SORCS2: variants seen among roughly 807,000 people sequenced by gnomAD.
The protein encoded by SORCS2 is sortilin related VPS10 domain containing receptor 2.
In SORCS2, 100 loss-of-function variants were observed where a neutral mutation model predicts 141.6. The observed-to-expected ratio is 0.71, with a 90% confidence interval of 0.60 to 0.83. The LOEUF (loss-of-function observed/expected upper bound fraction) is 0.83, where lower values mean the gene tolerates loss of function less well. SORCS2 is among the 40% of genes least tolerant of loss of function. The pLI, the probability that SORCS2 is intolerant of heterozygous loss-of-function variation, is 0.00. For synonymous variants in SORCS2, 789 were observed against 676.9 expected, an observed-to-expected ratio of 1.17 and a Z score of -2.57; for missense variants, 1,646 against 1,560.2, an observed-to-expected ratio of 1.05 and a Z score of -0.93.
intron 1 of SORCS2, among the ~76,000 whole-genome samples, chr4:7,290,796 T>TTTCATTCATTCATTCATTCA (rs3031021): frequency 8.0e-4 from 121 of 151,364 alleles, no homozygotes; most frequent in African/African-American, 2.7e-3. Context: ...GGCTGCATTC[T>TTTCATTCATTCATTCATTCA]TTCATTCATT....
intron 2 of SORCS2, among the ~76,000 whole-genome samples, chr4:7,522,628 C>G (rs1040902967): frequency 1.3e-5 from 2 of 151,838 alleles, no homozygotes; most frequent in African/African-American, 2.4e-5. Context: ...CCCCTTTTCC[C>G]TCCCTCCTCC....
intron 1 of SORCS2, among the ~76,000 whole-genome samples, chr4:7,352,729 G>A (rs1449553650): frequency 6.6e-6 from 1 of 152,220 alleles, no homozygotes; most frequent in Non-Finnish European, 1.5e-5. Context: ...AGCTGGAACG[G>A]CAGGAAGGTG....
chr4:7,617,740 G>A (rs1367795065), intron 3 of SORCS2, among the ~76,000 whole-genome samples: 1 of 152,184 alleles, frequency 6.6e-6, no homozygotes, highest in African/African-American at 2.4e-5. Flanking sequence ...AAATCCTGAA[G>A]CTCAGAATCT....
chr4:7,728,262 G>C, intron 21 of SORCS2, 88 bp from the exon 22 acceptor site: 1 of 876,498 alleles, frequency 1.1e-6, no homozygotes, highest in South Asian at 1.6e-5. Context: ...ACCATCCAGG[G>C]CATGTGGCTG....
At chr4:7,308,999 T>C (rs542048841) in intron 1 of SORCS2, among the ~76,000 whole-genome samples, 49 of 152,272 alleles carry the variant, frequency 3.2e-4, no homozygotes, top group African/African-American at 1.2e-3. Flanking sequence ...TTTTGGAGCT[T>C]TTCAGAGCCC....
intron 3 of SORCS2, among the ~76,000 whole-genome samples, chr4:7,542,031 G>T (rs370904148): frequency 1.3e-5 from 2 of 152,208 alleles, no homozygotes; most frequent in African/African-American, 2.4e-5. Flanking sequence ...TGTAACAGGG[G>T]TGAGGGCAAG....
chr4:7,433,064 T>C (rs1208059155), intron 2 of SORCS2: 3 of 342,390 alleles, frequency 8.8e-6, no homozygotes, highest in Non-Finnish European at 1.6e-5. Context: ...AGGGCAGCCT[T>C]GGCTGGGTCA....
chr4:7,569,753 T>A (rs980722663), intron 3 of SORCS2, among the ~76,000 whole-genome samples: 4 of 152,146 alleles, frequency 2.6e-5, no homozygotes, highest in African/African-American at 9.7e-5. Context: ...TAATACAACA[T>A]GTACATGTAT....
chr4:7,304,717 A>G (rs984350149), intron 1 of SORCS2, among the ~76,000 whole-genome samples: 5 of 152,228 alleles, frequency 3.3e-5, no homozygotes, highest in Non-Finnish European at 7.3e-5. Flanking sequence ...TCAGCTGGAC[A>G]AGAGCTTGGA....
Position 7,741,211 on chromosome 4 carries a change from G to A in SORCS2, c.*947G>A, listed in dbSNP as rs1234313050. 7 of 398,674 alleles carry A rather than the reference G, an allele frequency of 1.8e-5. No individual in the cohort carries two copies. The highest frequency in any genetic ancestry group is 6.2e-5 in the African/African-American group (3 of 48,610). The allele number at this position is 398,674 out of a possible 1,614,324, so 24.7% of individuals were successfully genotyped here. ...CAGTTCCTTATAGGCGAAGGGAACCGGGTGGAAACCAAGCTGGGAGAGGCT... is the reference window on the plus strand; with the variant it reads ...CAGTTCCTTATAGGCGAAGGGAACCAGGTGGAAACCAAGCTGGGAGAGGCT... On this transcript the variant is annotated 3_prime_UTR_variant, in exon 27 of 27. Coordinates refer to ENST00000507866, the MANE Select transcript of SORCS2 (RefSeq NM_020777.3).
intron 2 of SORCS2, among the ~76,000 whole-genome samples, chr4:7,504,916 C>G (rs920425343): frequency 6.6e-6 from 1 of 152,186 alleles, no homozygotes; most frequent in African/African-American, 2.4e-5. Context: ...TGGCCGTAGG[C>G]GCTGATGCCC....
At chr4:7,373,476 ATATTTTTTT>A (rs1198975288) in intron 1 of SORCS2, among the ~76,000 whole-genome samples, 9 of 44,584 alleles carry the variant, frequency 2.0e-4, no homozygotes, top group African/African-American at 4.4e-4. Flanking sequence ...ATATATATAT[ATATTTTTTT>A]TTTTTTTTTT....
chr4:7,734,088 G>A (rs1423599940), intron 24 of SORCS2, among the ~76,000 whole-genome samples, 184 bp from the exon 25 acceptor site: 1 of 151,798 alleles, frequency 6.6e-6, no homozygotes, highest in Admixed American at 6.6e-5. Context: ...GCTGGGGAAG[G>A]GCTGGGGAGG....
chr4:7,723,424 C>G (rs962973160), intron 18 of SORCS2, among the ~76,000 whole-genome samples: 15 of 152,154 alleles, frequency 9.9e-5, no homozygotes, highest in Middle Eastern at 3.2e-3. Flanking sequence ...TTGGGCCTCT[C>G]CCTCTCCCTC....
At chr4:7,634,394 G>A (rs992281205) in intron 3 of SORCS2, among the ~76,000 whole-genome samples, 2 of 151,772 alleles carry the variant, frequency 1.3e-5, no homozygotes, top group Non-Finnish European at 2.9e-5. Context: ...AAGAACCTAG[G>A]GAGGGAGGAG....
At chr4:7,245,262 A>G (rs1210874128) in intron 1 of SORCS2, among the ~76,000 whole-genome samples, 4 of 152,226 alleles carry the variant, frequency 2.6e-5, no homozygotes, top group African/African-American at 9.6e-5. Flanking sequence ...AGGCAAAGCC[A>G]CAGTGGTCCA....
At chr4:7,640,093 GTGCT>G (rs1720581562) in intron 4 of SORCS2, among the ~76,000 whole-genome samples, 1 of 151,902 alleles carries the variant, frequency 6.6e-6, no homozygotes, top group Non-Finnish European at 1.5e-5. Context: ...ATGTCAGTGT[GTGCT>G]TGTAGGTGTG....
chr4:7,588,990 G>A (rs1441070185), intron 3 of SORCS2, among the ~76,000 whole-genome samples: 1 of 152,176 alleles, frequency 6.6e-6, no homozygotes, highest in African/African-American at 2.4e-5. Flanking sequence ...TGGGCTGCGG[G>A]CCCAGGGAAC....
intron 3 of SORCS2, among the ~76,000 whole-genome samples, chr4:7,590,679 C>T (rs1203194655): frequency 6.6e-6 from 1 of 152,222 alleles, no homozygotes; most frequent in African/African-American, 2.4e-5. Context: ...GGGAATGGGG[C>T]TGGGCCCACC....
Sources: gnomAD v4.1 joint callset for allele counts (sites outside exome capture counted in the v4.1 genomes callset) on GRCh38, gnomAD v4.1.1 for gene constraint, MANE v1.5 for transcripts, NCBI Gene and HGNC (gene_info 2026-07-23, HGNC 2026-07-21) for gene names.